Variants in SLC25A21 observed in about 807,000 individuals in gnomAD.
SLC25A21 encodes the protein mitochondrial 2-oxodicarboxylate carrier.
SLC25A21 carries 47 observed loss-of-function variants against 43.8 expected under a neutral mutation model. The observed-to-expected ratio is 1.07, with a 90% CI of 0.85 to 1.37. SLC25A21 has a LOEUF of 1.37. SLC25A21 is among the 40% of genes most tolerant of loss of function. The pLI, the probability that SLC25A21 is intolerant of heterozygous loss-of-function variation, is 0.00. For synonymous variants in SLC25A21, 131 were observed against 121.3 expected (o/e 1.08, Z -0.52); for missense variants, 352 against 350.2 (o/e 1.00, Z -0.04).
intron 1 of SLC25A21, among the ~76,000 whole-genome samples, chr14:36,920,353 T>C (rs1891947702): frequency 6.6e-6 from 1 of 152,108 alleles, no homozygotes; most frequent in Non-Finnish European, 1.5e-5. Flanking sequence ...TTTTTAAGCA[T>C]ATAGATTCAA....
At chr14:36,811,166 G>A (rs1292440236) in intron 3 of SLC25A21, among the ~76,000 whole-genome samples, 1 of 152,080 alleles carries the variant, frequency 6.6e-6, no homozygotes, top group African/African-American at 2.4e-5. Context: ...TGCACACCAT[G>A]ACAAGAAGCT....
intron 1 of SLC25A21, among the ~76,000 whole-genome samples, chr14:36,993,706 A>T (rs1402803940): frequency 2.0e-5 from 3 of 152,180 alleles, no homozygotes; most frequent in Non-Finnish European, 4.4e-5. Flanking sequence ...CTCATCATAA[A>T]TGTTAACTAG....
At chr14:36,919,321 T>C (rs1249915464) in intron 1 of SLC25A21, among the ~76,000 whole-genome samples, 2 of 152,048 alleles carry the variant, frequency 1.3e-5, no homozygotes, top group Non-Finnish European at 2.9e-5. Flanking sequence ...GAACATGATA[T>C]GTTGATGGAG....
chr14:36,947,771 C>A (rs1223495034), intron 1 of SLC25A21, among the ~76,000 whole-genome samples: 1 of 152,128 alleles, frequency 6.6e-6, no homozygotes, highest in Non-Finnish European at 1.5e-5. Context: ...CCATATGTAT[C>A]TGAACATATA....
intron 1 of SLC25A21, among the ~76,000 whole-genome samples, chr14:37,118,771 T>C (rs1004182903): frequency 3.3e-5 from 5 of 152,156 alleles, no homozygotes; most frequent in Admixed American, 6.5e-5. Flanking sequence ...AGTAATTGAT[T>C]CCTGAAAATC....
At chr14:36,955,667 G>C (rs1959319728) in intron 1 of SLC25A21, among the ~76,000 whole-genome samples, 1 of 151,990 alleles carries the variant, frequency 6.6e-6, no homozygotes, top group African/African-American at 2.4e-5. Context: ...CCCCTCTCTT[G>C]ATTTTTCACA....
intron 1 of SLC25A21, among the ~76,000 whole-genome samples, chr14:36,949,435 C>T (rs1432277264): frequency 1.3e-5 from 2 of 152,180 alleles, no homozygotes; most frequent in Admixed American, 6.5e-5. Context: ...GTAAACCAAA[C>T]CAATTTAAAA....
intron 1 of SLC25A21, among the ~76,000 whole-genome samples, chr14:36,922,126 G>A (rs746863034): frequency 2.8e-5 from 4 of 145,092 alleles, no homozygotes; most frequent in Non-Finnish European, 5.9e-5. Flanking sequence ...GCAACAGAGC[G>A]AGATTCTGCC....
At chr14:36,711,039 A>C (rs1438181939) in intron 7 of SLC25A21, among the ~76,000 whole-genome samples, 5 of 152,178 alleles carry the variant, frequency 3.3e-5, no homozygotes, top group Non-Finnish European at 7.4e-5. Flanking sequence ...CAGGTGTAAA[A>C]ATAGCTTCTT....
chr14:37,013,856 T>C (rs145482624), intron 1 of SLC25A21, among the ~76,000 whole-genome samples: 5 of 152,254 alleles, frequency 3.3e-5, no homozygotes, highest in Admixed American at 1.3e-4. Context: ...ACCATTGCAA[T>C]AAAGCAAGTC....
intron 7 of SLC25A21, among the ~76,000 whole-genome samples, chr14:36,701,496 T>G (rs971299842): frequency 6.6e-6 from 1 of 152,180 alleles, no homozygotes; most frequent in African/African-American, 2.4e-5. Flanking sequence ...GAAAATTCCT[T>G]TTTTTCCTCT....
intron 1 of SLC25A21, among the ~76,000 whole-genome samples, chr14:37,064,830 C>T (rs1962027607): frequency 1.3e-5 from 2 of 151,712 alleles, no homozygotes; most frequent in Non-Finnish European, 1.5e-5. Flanking sequence ...GTAGTAAGCA[C>T]TAGGGACATA....
intron 3 of SLC25A21, among the ~76,000 whole-genome samples, chr14:36,741,603 T>G (rs1458475075): frequency 6.6e-6 from 1 of 152,170 alleles, no homozygotes; most frequent in Non-Finnish European, 1.5e-5. Flanking sequence ...AAAGCCAGGA[T>G]AGAGATGCAC....
At chr14:36,841,123 C>T (rs958881910) in intron 2 of SLC25A21, among the ~76,000 whole-genome samples, 2 of 152,150 alleles carry the variant, frequency 1.3e-5, no homozygotes, top group East Asian at 3.8e-4. Context: ...ACTGAAGTAT[C>T]AACATGCCCT....
intron 1 of SLC25A21, among the ~76,000 whole-genome samples, chr14:37,099,229 C>T (rs572098966): frequency 1.3e-5 from 2 of 152,174 alleles, no homozygotes; most frequent in East Asian, 3.9e-4. Context: ...CCCTACCTTC[C>T]CCAGGGAGCA....
At chr14:36,843,685 C>T (rs969338694) in intron 2 of SLC25A21, among the ~76,000 whole-genome samples, 1 of 152,136 alleles carries the variant, frequency 6.6e-6, no homozygotes, top group African/African-American at 2.4e-5. Context: ...AAGACATTAA[C>T]CAACATTACC....
intron 2 of SLC25A21, among the ~76,000 whole-genome samples, chr14:36,842,323 C>T (rs712365): frequency 6.6e-6 from 1 of 152,060 alleles, no homozygotes; most frequent in African/African-American, 2.4e-5. Flanking sequence ...ATGAGGTCCT[C>T]GCAGAAATAA....
At chr14:36,830,749 C>A (rs986679567) in intron 2 of SLC25A21, among the ~76,000 whole-genome samples, 2 of 152,158 alleles carry the variant, frequency 1.3e-5, no homozygotes, top group African/African-American at 4.8e-5. Flanking sequence ...TAGAAACCCA[C>A]ATCATCCCCT....
intron 1 of SLC25A21, among the ~76,000 whole-genome samples, chr14:36,907,405 T>C (rs909368052): frequency 2.0e-5 from 3 of 152,130 alleles, no homozygotes; most frequent in Non-Finnish European, 4.4e-5. Context: ...GTATTTACCA[T>C]GTACAACATA....
Sources: gnomAD v4.1 joint callset for allele counts (sites outside exome capture counted in the v4.1 genomes callset) on GRCh38, gnomAD v4.1.1 for gene constraint, MANE v1.5 for transcripts, NCBI Gene and HGNC (gene_info 2026-07-23, HGNC 2026-07-21) for gene names.